TVP23A: variants seen among roughly 807,000 people sequenced by gnomAD.
TVP23A encodes the protein trans-golgi network vesicle protein 23 homolog A, also known as Golgi apparatus membrane protein TVP23 homolog A.
A neutral mutation model predicts 31.7 loss-of-function variants in TVP23A; 21 were observed. The observed-to-expected ratio is 0.66, with a 90% CI of 0.47 to 0.95. TVP23A has a LOEUF of 0.95. TVP23A is among the 40% of genes least tolerant of loss of function. TVP23A has a pLI of 0.00. For missense variants in TVP23A, 279 were observed against 255.6 expected (o/e 1.09, Z -0.62); for synonymous variants, 104 against 96.0 (o/e 1.08, Z -0.49).
At chr16:10,782,576 C>T (rs1256295441) in intron 2 of TVP23A, among the ~76,000 whole-genome samples, 2 of 152,122 alleles carry the variant, frequency 1.3e-5, no homozygotes, top group Admixed American at 1.3e-4. Flanking sequence ...GATCAAGGCT[C>T]ACTGCAGCCT....
chr16:10,771,824 G>A (rs1567276398), intron 5 of TVP23A, 26 bp from the exon 6 acceptor site: 2 of 1,552,102 alleles, frequency 1.3e-6, no homozygotes, highest in Admixed American at 2.0e-5. Flanking sequence ...GAAAGCAAAG[G>A]TCACTTTTTT....
At position 10,767,861 on chromosome 16, in the gene TVP23A, G is replaced by C; in HGVS notation, c.*1241C>G. ...GAAGCGGGCTCAAGATCTTCCCATT[G>C]TCACCAGCACGGAAAGAGCCCCAAG... On this transcript the variant is annotated 3_prime_UTR_variant, in exon 8 of 8. Coordinates refer to ENST00000299866, the MANE Select transcript of TVP23A (RefSeq NM_001079512.4). This position sits in a 1 kb window ranked among gnomAD's most constrained non-coding sequence, Gnocchi z 4.6. 8.1e-7 allele frequency: 1 copy of C among 1,229,796 alleles called. No individual in the cohort carries two copies. Among genetic ancestry groups the C allele is most frequent in the Non-Finnish European group, 1.2e-6 (1 of 834,960 alleles). The allele number at this position is 1,229,796 out of a possible 1,614,324, so 76.2% of individuals were successfully genotyped here.
chr16:10,798,671 GT>G (rs1567305425), intron 2 of TVP23A, among the ~76,000 whole-genome samples: 1 of 151,944 alleles, frequency 6.6e-6, no homozygotes, highest in African/African-American at 2.4e-5. Context: ...TTTTGTTTTT[GT>G]TTTTGTTTTT....
intron 2 of TVP23A, among the ~76,000 whole-genome samples, chr16:10,801,264 C>A (rs1284441323): frequency 3.3e-5 from 5 of 152,124 alleles, no homozygotes; most frequent in African/African-American, 1.2e-4. Context: ...TCCCTTTATC[C>A]TAACATCATT....
intron 2 of TVP23A, among the ~76,000 whole-genome samples, chr16:10,813,349 CA>C (rs2034285918): frequency 6.6e-6 from 1 of 152,218 alleles, no homozygotes. Context: ...CCCCCTTCCA[CA>C]GCATCACCTC....
intron 2 of TVP23A, among the ~76,000 whole-genome samples, chr16:10,796,614 AT>A (rs2033403726): frequency 1.3e-5 from 2 of 150,786 alleles, no homozygotes; most frequent in Non-Finnish European, 3.0e-5. Context: ...TTTTTTTTGT[AT>A]TTTTAGTAGA....
At chr16:10,803,565 A>T (rs1293247081) in intron 2 of TVP23A, among the ~76,000 whole-genome samples, 1 of 152,116 alleles carries the variant, frequency 6.6e-6, no homozygotes, top group African/African-American at 2.4e-5. Context: ...TCAACAACTG[A>T]TATGGGATGA....
chr16:10,770,396 G>A, intron 6 of TVP23A, 65 bp from the exon 7 acceptor site: 10 of 1,511,976 alleles, frequency 6.6e-6, no homozygotes, highest in Non-Finnish European at 8.9e-6. Context: ...TCCTGCTGAT[G>A]GAAGGCCAGA....
chr16:10,774,841 G>A lies in TVP23A; in HGVS notation c.234+111C>T, dbSNP rs1030757658. 5 of 877,840 alleles carry A rather than the reference G, an allele frequency of 5.7e-6. No homozygotes were observed. In the African/African-American group the frequency reaches 6.8e-5, roughly 12 times the overall value. The allele number at this position is 877,840 out of a possible 1,614,324, so 54.4% of individuals were successfully genotyped here. On this transcript the variant is annotated intron_variant, in intron 3 of 7. Coordinates refer to ENST00000299866, the MANE Select transcript of TVP23A (RefSeq NM_001079512.4). ...CCTTACTTTTAAGTGACACTGCTCA[G>A]CACTCTTAAGCATGTCTCAGGAGTC...
Position 10,803,298 on chromosome 16 carries a change from C to T in TVP23A, c.89+14805G>A, listed in dbSNP as rs544336290. On this transcript the variant is annotated intron_variant, in intron 2 of 7. Transcript: ENST00000299866. ...GTGTGTGTGTGTGTCAGAGTCTGGG[C>T]GACAGAGCAAGACTCCGTCTCAAAA... Among the ~76,000 whole-genome samples, 18 of 121,904 alleles carry T rather than the reference C, an allele frequency of 1.5e-4. No homozygotes were observed. The East Asian group carries it at 1.8e-3, about 12-fold the overall frequency. 80.0% of individuals were successfully genotyped at this position (121,904 alleles called of 152,430 possible).
chr16:10,771,768 C>T lies in TVP23A; in HGVS notation c.484G>A (p.Ala162Thr). The change falls in exon 6 of 8, where the codon GCT becomes ACT. Residue 162 changes from alanine to threonine, a missense_variant. Coordinates refer to ENST00000299866, the MANE Select transcript of TVP23A (RefSeq NM_001079512.4). ...ALVVAGISLQ[A>T]ANLYGYILCK... ...AGGATGTAGCCATACAGGTTTGCAG[C>T]TTGGAGAGAGATCCCAGCAACCACC... 1 of 1,590,632 alleles carries T rather than the reference C, an allele frequency of 6.3e-7. No individual in the cohort carries two copies.
intron 2 of TVP23A, among the ~76,000 whole-genome samples, chr16:10,806,188 C>G (rs1351120853): frequency 6.6e-6 from 1 of 152,100 alleles, no homozygotes; most frequent in Non-Finnish European, 1.5e-5. Context: ...ACTAAAAATA[C>G]AAAATGTAGC....
intron 7 of TVP23A, 90 bp from the exon 8 acceptor site, chr16:10,769,191 T>G: frequency 7.9e-7 from 1 of 1,264,738 alleles, no homozygotes; most frequent in South Asian, 1.2e-5. Flanking sequence ...AGCTCCGGGA[T>G]GGGGTGGGTC....
At chr16:10,788,914 C>G (rs779262486) in intron 2 of TVP23A, among the ~76,000 whole-genome samples, 2 of 152,232 alleles carry the variant, frequency 1.3e-5, no homozygotes, top group Non-Finnish European at 2.9e-5. Context: ...AGGTCTCACT[C>G]TGAGCATGGG....
chr16:10,806,468 A>G (rs1045192408), intron 2 of TVP23A, among the ~76,000 whole-genome samples: 1 of 152,214 alleles, frequency 6.6e-6, no homozygotes, highest in African/African-American at 2.4e-5. Flanking sequence ...TGTGGGTCAC[A>G]GGTCAGCAGA....
Position 10,781,850 on chromosome 16 carries a change from C to CTTTTTT in TVP23A, c.90-6760_90-6755dup, listed in dbSNP as rs144933462. On this transcript the variant is annotated intron_variant, in intron 2 of 7. Coordinates refer to ENST00000299866, the MANE Select transcript of TVP23A (RefSeq NM_001079512.4). ...AGCCCTCCTTCACAACTAACACAAT[C>CTTTTTT]TTTTTTTTTTTTTTTTTTTTTTTTT... 1.9e-4 allele frequency among the ~76,000 whole-genome samples: 17 copies of CTTTTTT among 90,948 alleles called. 1 individual carries two copies. In the East Asian group the frequency reaches 2.1e-3, roughly 11 times the overall value. The allele number at this position is 90,948 out of a possible 152,430, so 59.7% of individuals were successfully genotyped here.
At chr16:10,761,274 T>C in exon 9 of TVP23A, 1 of 1,167,462 alleles carries the variant, frequency 8.6e-7, no homozygotes, top group Non-Finnish European at 1.3e-6. Flanking sequence ...TGATCGCAGA[T>C]CCACTGCATT....
At chr16:10,763,474 C>G (rs966588543), downstream of TVP23A, 1 of 152,288 alleles carries the variant, frequency 6.6e-6, no homozygotes, top group African/African-American at 2.4e-5. Flanking sequence ...TCCCACAATA[C>G]TTCTCTGGCA....
At chr16:10,786,435 C>CAA (rs369759815) in intron 2 of TVP23A, among the ~76,000 whole-genome samples, 26 of 144,606 alleles carry the variant, frequency 1.8e-4, no homozygotes, top group African/African-American at 5.5e-4. Flanking sequence ...GAGAACTTGT[C>CAA]AAAAAAAAAA....
Sources: gnomAD v4.1 joint callset for allele counts (sites outside exome capture counted in the v4.1 genomes callset) on GRCh38, gnomAD v4.1.1 for gene constraint, Gnocchi (gnomAD v3.1) non-coding constraint, MANE v1.5 for transcripts, NCBI Gene and HGNC (gene_info 2026-07-23, HGNC 2026-07-21) for gene names.